The following CNTNAP2 variants were observed in gnomAD, a reference collection of about 807,000 sequenced individuals.
CNTNAP2 encodes the protein contactin associated protein 2, also known as contactin-associated protein-like 2.
In CNTNAP2, 98 loss-of-function variants were observed where a neutral mutation model predicts 155.2. That is an observed-to-expected ratio of 0.63 (90% confidence interval 0.54 to 0.75). The LOEUF is 0.75. Among genes scored for constraint, CNTNAP2 ranks in the 30% least tolerant of loss-of-function variants. CNTNAP2 has a pLI of 0.00. For missense variants in CNTNAP2, 1,727 were observed against 1,688.1 expected (o/e 1.02, Z -0.40); for synonymous variants, 651 against 631.2 (o/e 1.03, Z -0.47).
At chr7:146,500,228 A>G (rs1175128526) in intron 1 of CNTNAP2, among the ~76,000 whole-genome samples, 1 of 152,198 alleles carries the variant, frequency 6.6e-6, no homozygotes, top group East Asian at 1.9e-4. Context: ...GGTGTTACCA[A>G]CACAGGGGTT....
intron 12 of CNTNAP2, among the ~76,000 whole-genome samples, chr7:147,574,283 T>A (rs949840864): frequency 1.3e-5 from 2 of 152,142 alleles, no homozygotes; most frequent in African/African-American, 2.4e-5. Flanking sequence ...CTTGATTCTG[T>A]TCATTTTTTT....
intron 13 of CNTNAP2, among the ~76,000 whole-genome samples, chr7:147,833,002 T>G (rs2116638711): frequency 6.6e-6 from 1 of 151,134 alleles, no homozygotes; most frequent in African/African-American, 2.4e-5. Flanking sequence ...TATTTTATTT[T>G]TGTGTATATG....
intron 9 of CNTNAP2, among the ~76,000 whole-genome samples, chr7:147,365,178 C>A (rs1355712035): frequency 1.3e-5 from 2 of 151,478 alleles, no homozygotes; most frequent in Non-Finnish European, 2.9e-5. Flanking sequence ...CAGAGGCAGG[C>A]GAATCACCTG....
chr7:147,664,740 G>A (rs1201234490), intron 13 of CNTNAP2, among the ~76,000 whole-genome samples: 2 of 152,026 alleles, frequency 1.3e-5, no homozygotes, highest in East Asian at 3.9e-4. Context: ...GACTTTACAG[G>A]GTCTTTCATG....
chr7:147,031,941 G>T (rs1246764760), intron 3 of CNTNAP2, among the ~76,000 whole-genome samples: 2 of 152,220 alleles, frequency 1.3e-5, no homozygotes, highest in East Asian at 3.9e-4. Flanking sequence ...ATTAACTATG[G>T]TTATAGAAAT....
chr7:147,492,844 C>T (rs1209033263), intron 11 of CNTNAP2, among the ~76,000 whole-genome samples: 1 of 152,162 alleles, frequency 6.6e-6, no homozygotes, highest in Non-Finnish European at 1.5e-5. Context: ...TAATCACTTT[C>T]CTCCCCATCT....
intron 2 of CNTNAP2, among the ~76,000 whole-genome samples, chr7:146,833,326 T>C (rs1002542086): frequency 6.6e-6 from 1 of 152,174 alleles, no homozygotes; most frequent in Non-Finnish European, 1.5e-5. Context: ...GAAATTTTCA[T>C]TTGCATGTTC....
At chr7:146,137,400 C>A (rs1022322848) in intron 1 of CNTNAP2, among the ~76,000 whole-genome samples, 1 of 152,110 alleles carries the variant, frequency 6.6e-6, no homozygotes, top group Non-Finnish European at 1.5e-5. Context: ...ACTGTTTCAT[C>A]TGTCCTTAAA....
intron 13 of CNTNAP2, among the ~76,000 whole-genome samples, chr7:147,690,612 C>G (rs765352939): frequency 1.3e-5 from 2 of 151,974 alleles, no homozygotes; most frequent in Non-Finnish European, 1.5e-5. Context: ...AATTACACAG[C>G]AATATGAAAA....
At chr7:147,235,383 T>TGTGTGTGTGTGTGTG (rs1554455471) in intron 8 of CNTNAP2, among the ~76,000 whole-genome samples, 2 of 151,602 alleles carry the variant, frequency 1.3e-5, no homozygotes, top group African/African-American at 2.4e-5. Context: ...TGTGTGTGTA[T>TGTGTGTGTGTGTGTG]TTACATATAC....
In CNTNAP2 at chr7:146,269,610, T is replaced by C. The variant is rs576656738; in HGVS notation, c.97+152637T>C. On this transcript the variant is annotated intron_variant, in intron 1 of 23. Coordinates refer to ENST00000361727, the MANE Select transcript of CNTNAP2 (RefSeq NM_014141.6). ...GTTAAAGGAAAATGTAGTACAATGA[T>C]ACTGTATTTTACTGTTGAAGTCTTT... is the stretch of plus-strand genomic sequence containing the variant. Among the ~76,000 whole-genome samples, 3 of 152,344 alleles carry C rather than the reference T, an allele frequency of 2.0e-5. No homozygotes were observed. The East Asian group carries it at 5.8e-4, about 29-fold the overall frequency.
chr7:146,521,387 G>A (rs987531692), intron 1 of CNTNAP2, among the ~76,000 whole-genome samples: 5 of 151,886 alleles, frequency 3.3e-5, no homozygotes, highest in African/African-American at 1.2e-4. Context: ...TTTGAGTATA[G>A]CATACAAAAT....
At chr7:147,975,396 G>A (rs1447029846) in intron 14 of CNTNAP2, among the ~76,000 whole-genome samples, 1 of 152,026 alleles carries the variant, frequency 6.6e-6, no homozygotes, top group African/African-American at 2.4e-5. Flanking sequence ...GTGTGTGTGT[G>A]TGTGTAAAAT....
rs560062816 is a variant in CNTNAP2, at chr7:146,740,812, A to G, written c.98-33459A>G. On this transcript the variant is annotated intron_variant, in intron 1 of 23. Coordinates refer to ENST00000361727, the MANE Select transcript of CNTNAP2 (RefSeq NM_014141.6). ...TGGCTGGAAGCCCACAGCCTCTGAGAATTGCTTGCTCCTGAGGGCTACCCA... is the reference window on the plus strand; with the variant it reads ...TGGCTGGAAGCCCACAGCCTCTGAGGATTGCTTGCTCCTGAGGGCTACCCA... Among the ~76,000 whole-genome samples, 121 of 149,918 alleles carry G rather than the reference A, an allele frequency of 8.1e-4. 1 individual carries two copies. The highest frequency in any genetic ancestry group is 2.9e-3 in the African/African-American group (113 of 39,244).
chr7:147,635,206 A>ATATATATAT (rs1795157010), intron 12 of CNTNAP2, among the ~76,000 whole-genome samples: 1 of 149,870 alleles, frequency 6.7e-6, no homozygotes, highest in African/African-American at 2.5e-5. Context: ...ATATATGTTT[A>ATATATATAT]ATTTTAATTA....
rs894968454 is a variant in CNTNAP2 at position 146,500,034 on chromosome 7, GT to G, written c.98-274230del. On this transcript the variant is annotated intron_variant, in intron 1 of 23. Coordinates refer to ENST00000361727, the MANE Select transcript of CNTNAP2 (RefSeq NM_014141.6). Reference sequence around the variant, plus strand: ...TATTTTCAGATTGTTTATTGCTAGTGTTTTTTTATATTGAAGTTGTATCTTG... The same window carrying G: ...TATTTTCAGATTGTTTATTGCTAGTGTTTTTTATATTGAAGTTGTATCTTG... Among the ~76,000 whole-genome samples, 9 of 152,072 alleles carry G rather than the reference GT, an allele frequency of 5.9e-5. No homozygotes were observed. The East Asian group carries it at 1.2e-3, about 20-fold the overall frequency.
chr7:148,229,571 A>G (rs570804527), intron 19 of CNTNAP2, 75 bp from the exon 20 acceptor site: 1 of 1,505,980 alleles, frequency 6.6e-7, no homozygotes, highest in African/African-American at 1.4e-5. Context: ...ATCTAAGAGC[A>G]GGAATTGAGG....
chr7:147,639,405 A>C lies in CNTNAP2; in HGVS notation c.2098+99A>C. 5 of 1,075,416 alleles carry C rather than the reference A, an allele frequency of 4.6e-6. No homozygotes were observed. The South Asian group carries it at 6.7e-5, about 14-fold the overall frequency. 66.6% of individuals were successfully genotyped at this position (1,075,416 alleles called of 1,614,324 possible). The stretch of plus-strand genomic sequence containing the variant: ...GGTGTGGTTCATTATCTTATAGTCT[A>C]GTCTTCAGTAGGAAGGAAGCTGTAA... On this transcript the variant is annotated intron_variant, in intron 13 of 23. Transcript: ENST00000361727.
At chr7:146,285,691 TTCCCCTCCCCTCCCC>T (rs1221165250) in intron 1 of CNTNAP2, among the ~76,000 whole-genome samples, 6 of 35,646 alleles carry the variant, frequency 1.7e-4, no homozygotes, top group Admixed American at 3.6e-4. Flanking sequence ...CTCATCTCCC[TTCCCCTCCCCTCCCC>T]TCCCCTCCCC....
Sources: gnomAD v4.1 joint callset for allele counts (sites outside exome capture counted in the v4.1 genomes callset) on GRCh38, gnomAD v4.1.1 for gene constraint, MANE v1.5 for transcripts, NCBI Gene and HGNC (gene_info 2026-07-23, HGNC 2026-07-21) for gene names.